Variants in PLOD2 observed in about 807,000 individuals in gnomAD.
PLOD2 encodes the protein lysine hydroxylase 2.
A neutral mutation model predicts 101.0 loss-of-function variants in PLOD2; 65 were observed. That is an observed-to-expected ratio of 0.64 (90% CI 0.53 to 0.79). The LOEUF (loss-of-function observed/expected upper bound fraction) is 0.79, where lower values mean the gene tolerates loss of function less well. Ranked by LOEUF, PLOD2 falls within the 30% of genes least tolerant of loss-of-function variation. PLOD2 has a pLI of 0.00. For synonymous variants in PLOD2, 314 were observed against 302.9 expected (o/e 1.04, Z -0.38); for missense variants, 909 against 914.6 (o/e 0.99, Z 0.08).
Position 146,071,039 on chromosome 3 carries a change from T to C in PLOD2, c.2121+3A>G, listed in dbSNP as rs1442252583. 1.2e-6 allele frequency: 2 copies of C among 1,603,544 alleles called. No homozygotes were observed. The highest frequency in any genetic ancestry group is 1.7e-6 in the Non-Finnish European group (2 of 1,171,430). Reference sequence around the variant, plus strand: ...AATCTAAAAACACAAGAGTCATAATTACCTGAAAGTCTTCTCCCACGTTAT... The same window carrying C: ...AATCTAAAAACACAAGAGTCATAATCACCTGAAAGTCTTCTCCCACGTTAT... On this transcript the variant is annotated splice_donor_region_variant and intron_variant, in intron 19 of 19. Transcript: ENST00000282903.
At position 146,072,578 on chromosome 3, in the gene PLOD2, A is replaced by G; in HGVS notation, c.1831T>C (p.Ser611Pro). ...VEEMEHYGKW[S>P]GGKHHDSRIS... ...CAACTTACATGATGTTTTCCCCCAG[A>G]CCATTTGCCGTAATGTTCCATTTCT... The change falls in exon 17 of 20, where the codon TCT becomes CCT. Residue 611 changes from serine (S) to proline (P), a missense_variant. By Grantham distance (74) the Ser-to-Pro change is moderately conservative. Transcript: ENST00000282903. The G allele has an allele frequency of 6.2e-7, 1 of 1,606,354 alleles. No individual in the cohort carries two copies. Among genetic ancestry groups the G allele is most frequent in the Non-Finnish European group, 8.5e-7 (1 of 1,173,702 alleles).
At chr3:146,137,469 T>C (rs1249911550) in intron 1 of PLOD2, among the ~76,000 whole-genome samples, 1 of 152,152 alleles carries the variant, frequency 6.6e-6, no homozygotes, top group African/African-American at 2.4e-5. Flanking sequence ...GGCTGGTCTA[T>C]AACTCCTGGT....
intron 1 of PLOD2, among the ~76,000 whole-genome samples, chr3:146,142,486 C>T (rs531194247): frequency 6.6e-6 from 1 of 152,076 alleles, no homozygotes; most frequent in South Asian, 2.1e-4. Flanking sequence ...AAGGGTGGTA[C>T]ATAGAAAAGT....
chr3:146,131,684 T>C (rs1576618530), intron 1 of PLOD2, among the ~76,000 whole-genome samples: 1 of 152,140 alleles, frequency 6.6e-6, no homozygotes. Flanking sequence ...TGCAGTTAAG[T>C]GGTAACCAAT....
At chr3:146,077,646 A>G in intron 14 of PLOD2, 2 of 445,206 alleles carry the variant, frequency 4.5e-6, no homozygotes, top group Non-Finnish European at 7.9e-6. Flanking sequence ...CCTGTCAGCC[A>G]TAAAATATAA....
rs1937607742 is a variant in PLOD2, at chr3:146,110,402, A to AT, written c.384dup (p.Phe129IlefsTer20). 1.2e-6 allele frequency: 2 copies of AT among 1,613,614 alleles called. No homozygotes were observed. The highest frequency in any genetic ancestry group is 1.3e-5 in the African/African-American group (1 of 75,010). The stretch of plus-strand genomic sequence containing the variant: ...ACCACTTTGTGGTTTGCCTTTTGGA[A>AT]TTTTTTTAGAACTTCTTCTGGACCA... On this transcript the variant is annotated frameshift_variant, in exon 4 of 20. Transcript: ENST00000282903. LOFTEE classifies it high-confidence loss of function.
intron 1 of PLOD2, among the ~76,000 whole-genome samples, chr3:146,130,192 A>C (rs1162426157): frequency 4.6e-5 from 7 of 152,132 alleles, no homozygotes; most frequent in African/African-American, 1.7e-4. Flanking sequence ...AGCCTTTTCA[A>C]GACCATTATC....
chr3:146,079,173 A>G lies in PLOD2; in HGVS notation c.1443T>C (p.Tyr481=), dbSNP rs1329320525. Residue 481 remains tyrosine (Y), a synonymous_variant, in exon 13 of 20, where the codon TAT becomes TAC. Coordinates refer to ENST00000282903, the MANE Select transcript of PLOD2 (RefSeq NM_182943.3). Reference sequence around the variant, plus strand: ...CAGGATCCAGTTTATCACGAACAAAATAGTTCCTTTCATTCATCTCTGATC... The same window carrying G: ...CAGGATCCAGTTTATCACGAACAAAGTAGTTCCTTTCATTCATCTCTGATC... ...TLRSEMNERN[Y]FVRDKLDPDM... 1.2e-6 allele frequency: 2 copies of G among 1,612,608 alleles called. No individual in the cohort carries two copies. The highest frequency in any genetic ancestry group is 2.7e-5 in the African/African-American group (2 of 74,886).
At chr3:146,076,437 G>T (rs1014177229) in intron 15 of PLOD2, 3 of 185,052 alleles carry the variant, frequency 1.6e-5, no homozygotes, top group Non-Finnish European at 3.4e-5. Flanking sequence ...TTGGTCAAAT[G>T]ACTTACTTTC....
At chr3:146,090,543 G>C (rs3804665) in intron 8 of PLOD2, among the ~76,000 whole-genome samples, 1 of 151,398 alleles carries the variant, frequency 6.6e-6, no homozygotes, top group Non-Finnish European at 1.5e-5. Flanking sequence ...GGCAAAAAAA[G>C]ATCAGGATAA....
intron 1 of PLOD2, among the ~76,000 whole-genome samples, chr3:146,158,601 T>C (rs1307613002): frequency 6.6e-6 from 1 of 152,096 alleles, no homozygotes; most frequent in Non-Finnish European, 1.5e-5. Flanking sequence ...CAAATACAAA[T>C]AGATTAGTCT....
intron 1 of PLOD2, among the ~76,000 whole-genome samples, chr3:146,153,367 T>C (rs73148988): frequency 0.02 from 3,025 of 152,310 alleles, 52 homozygotes; most frequent in Non-Finnish European, 0.032. Context: ...AAGATTTAAA[T>C]GTTTAAAGAA....
chr3:146,126,940 C>A (rs914601320), intron 1 of PLOD2, among the ~76,000 whole-genome samples: 1 of 152,100 alleles, frequency 6.6e-6, no homozygotes, highest in Non-Finnish European at 1.5e-5. Context: ...TAAAACAAGA[C>A]TGGCCATATG....
intron 4 of PLOD2, among the ~76,000 whole-genome samples, chr3:146,108,633 A>G (rs1440570579): frequency 2.6e-5 from 4 of 152,212 alleles, no homozygotes; most frequent in Admixed American, 2.0e-4. Context: ...TACAGAAAGC[A>G]TAAGGATGAT....
chr3:146,142,426 A>G (rs913549252), intron 1 of PLOD2, among the ~76,000 whole-genome samples: 3 of 151,996 alleles, frequency 2.0e-5, no homozygotes, highest in African/African-American at 7.2e-5. Flanking sequence ...CTCTCTGCCT[A>G]TTCATTCTCA....
At chr3:146,073,936 T>C (rs562493307) in intron 15 of PLOD2, among the ~76,000 whole-genome samples, 5 of 151,648 alleles carry the variant, frequency 3.3e-5, no homozygotes, top group Admixed American at 6.6e-5. Flanking sequence ...AATGAGTTTT[T>C]AAAATTTCTG....
intron 3 of PLOD2, among the ~76,000 whole-genome samples, chr3:146,112,587 T>A (rs1255391832): frequency 6.6e-6 from 1 of 151,946 alleles, no homozygotes; most frequent in Non-Finnish European, 1.5e-5. Context: ...GCACAGTGGC[T>A]CATGCCTGCA....
At chr3:146,097,752 C>T (rs1338976356) in intron 7 of PLOD2, among the ~76,000 whole-genome samples, 3 of 132,886 alleles carry the variant, frequency 2.3e-5, no homozygotes, top group African/African-American at 8.5e-5. Context: ...GTCCTATGAC[C>T]CTGCCAAATC....
intron 8 of PLOD2, among the ~76,000 whole-genome samples, chr3:146,089,618 A>G (rs1936906359): frequency 6.6e-6 from 1 of 151,604 alleles, no homozygotes; most frequent in South Asian, 2.1e-4. Context: ...TTTTTCATAC[A>G]CGGTACCTCA....
Sources: allele counts gnomAD v4.1 joint callset (sites outside exome capture counted in the v4.1 genomes callset), GRCh38; gene constraint gnomAD v4.1.1; transcripts MANE v1.5; gene names NCBI Gene and HGNC (gene_info 2026-07-23, HGNC 2026-07-21).